Variants in SLFN11 observed in about 807,000 individuals in gnomAD.
SLFN11 encodes schlafen family member 11.
Under a neutral mutation model 53.4 loss-of-function variants are expected in SLFN11, and 43 were observed. That is an observed-to-expected ratio of 0.80 (90% CI 0.63 to 1.04). The LOEUF (loss-of-function observed/expected upper bound fraction) is 1.04, where lower values mean the gene tolerates loss of function less well. Ranked by LOEUF, SLFN11 falls within the 50% of genes least tolerant of loss-of-function variation. SLFN11 has a pLI of 0.00. For synonymous variants in SLFN11, 389 were observed against 394.7 expected (o/e 0.99, Z 0.17); for missense variants, 990 against 1,079.1 (o/e 0.92, Z 1.16).
chr17:35,360,882 A>G (rs994292530), intron 4 of SLFN11, among the ~76,000 whole-genome samples: 5 of 152,114 alleles, frequency 3.3e-5, no homozygotes, highest in African/African-American at 1.2e-4. Flanking sequence ...AAGTGAGAGG[A>G]TCACTTGAGC....
intron 5 of SLFN11, chr17:35,360,007 A>C: frequency 2.4e-6 from 1 of 415,272 alleles, no homozygotes; most frequent in East Asian, 5.1e-5. Flanking sequence ...ACAAGAACAA[A>C]TAGTCTTTAA....
chr17:35,353,123 G>A lies in SLFN11; in HGVS notation c.1939C>T (p.Arg647Ter), dbSNP rs80209975. 90 of 1,613,170 alleles carry A rather than the reference G, an allele frequency of 5.6e-5. No homozygotes were observed. The highest frequency in any genetic ancestry group is 2.5e-4 in the East Asian group (11 of 44,874). Reference protein sequence around the residue: ...RNFISDRNICRAETRKTFLRE... With the variant: ...RNFISDRNIC ...AGGAAAGTTTTCCGGGTCTCTGCTC[G>A]GCAGATATTTCTATCACTGTAAAAA... Residue 647 changes from arginine to a stop codon, truncating the protein, a stop_gained, in exon 7 of 7, where the codon CGA becomes TGA. Coordinates refer to ENST00000685675, the MANE Select transcript of SLFN11 (RefSeq NM_001376007.1). LOFTEE classifies it low-confidence loss of function (END_TRUNC).
chr17:35,362,649 T>C (rs1052961504), intron 4 of SLFN11, 90 bp downstream of exon 4: 1 of 1,028,858 alleles, frequency 9.7e-7, no homozygotes, highest in Non-Finnish European at 1.4e-6. Context: ...ATGTAAGATG[T>C]TCAAAGTCAT....
chr17:35,362,355 G>A (rs902559201), intron 4 of SLFN11, among the ~76,000 whole-genome samples: 19 of 152,036 alleles, frequency 1.2e-4, no homozygotes, highest in Non-Finnish European at 1.8e-4. Flanking sequence ...TTTCTGATAC[G>A]ATTTATTTAG....
At chr17:35,373,154 T>A (rs1245278498) in intron 1 of SLFN11, among the ~76,000 whole-genome samples, 2 of 152,084 alleles carry the variant, frequency 1.3e-5, no homozygotes, top group African/African-American at 4.8e-5. Context: ...CTTCGGTTCC[T>A]GCTCCGCGCC....
intron 1 of SLFN11, among the ~76,000 whole-genome samples, chr17:35,369,474 T>C (rs1597727832): frequency 6.6e-6 from 1 of 152,070 alleles, no homozygotes; most frequent in African/African-American, 2.4e-5. Flanking sequence ...TTCTAAGGTT[T>C]TCTTACTCCA....
At chr17:35,364,060 A>G (rs1166933727) in intron 3 of SLFN11, among the ~76,000 whole-genome samples, 1 of 152,120 alleles carries the variant, frequency 6.6e-6, no homozygotes, top group African/African-American at 2.4e-5. Flanking sequence ...ATCTAAACTA[A>G]TCTGAAGATG....
intron 1 of SLFN11, among the ~76,000 whole-genome samples, chr17:35,372,719 T>C (rs1171454696): frequency 6.6e-6 from 1 of 152,124 alleles, no homozygotes; most frequent in African/African-American, 2.4e-5. Flanking sequence ...AAACATTACA[T>C]GCCTGTCTTA....
intron 5 of SLFN11, among the ~76,000 whole-genome samples, chr17:35,356,657 G>C (rs1166802532): frequency 6.6e-6 from 1 of 151,942 alleles, no homozygotes; most frequent in Non-Finnish European, 1.5e-5. Context: ...ATCTAACACA[G>C]TATTTTATGG....
intron 2 of SLFN11, 101 bp from the exon 3 acceptor site, chr17:35,367,164 T>C (rs1909056971): frequency 6.6e-6 from 1 of 152,126 alleles, no homozygotes; most frequent in Non-Finnish European, 1.5e-5. Context: ...CAAAATTCCA[T>C]TCTGCATTCC....
Position 35,371,375 on chromosome 17 carries a change from T to C in SLFN11, c.-235+2099A>G, listed in dbSNP as rs566399623. On this transcript the variant is annotated intron_variant, in intron 1 of 6. Coordinates refer to ENST00000685675, the MANE Select transcript of SLFN11 (RefSeq NM_001376007.1). The stretch of plus-strand genomic sequence containing the variant: ...CTTCACACTGTGAAACTACTACAAG[T>C]AAACATTGGGTAAGATCTCCAGGAC... Among the ~76,000 whole-genome samples, 13 of 152,066 alleles carry C rather than the reference T, an allele frequency of 8.5e-5. No individual in the cohort carries two copies. In the South Asian group the frequency reaches 2.7e-3, roughly 31 times the overall value.
At position 35,352,166 on chromosome 17, in the gene SLFN11, G is replaced by C. The variant is rs76350620; in HGVS notation, c.*190C>G. ...GCTGGAAGAGTCAGGGGTCAGAATG[G>C]GGGGCAGCCACCGCTGCTGAAAGGG... On this transcript the variant is annotated 3_prime_UTR_variant, in exon 7 of 7. Coordinates refer to ENST00000685675, the MANE Select transcript of SLFN11 (RefSeq NM_001376007.1). 1.9e-5 allele frequency: 12 copies of C among 643,980 alleles called. No homozygotes were observed. Among genetic ancestry groups the C allele is most frequent in the South Asian group, 6.2e-5 (3 of 48,734 alleles). The allele number at this position is 643,980 out of a possible 1,614,324, so 39.9% of individuals were successfully genotyped here. A position where few individuals can be genotyped will look rare whatever the true frequency, so the allele number is the denominator to read the frequency against.
Position 35,363,624 on chromosome 17 carries a change from G to T in SLFN11, c.184C>A (p.Arg62=). The change falls in exon 4 of 7, where the codon CGA becomes AGA. Residue 62 remains arginine (R), a synonymous_variant. Coordinates refer to ENST00000685675, the MANE Select transcript of SLFN11 (RefSeq NM_001376007.1). ...ALLNSGGGVI[R]MAKKVEHPVE... is the part of the protein sequence containing the mutation. ...GGATGCTCAACCTTCTTGGCCATTC[G>T]AATCACTCCTCCTCCTGAGTTTAAT... 6.2e-7 allele frequency: 1 copy of T among 1,613,750 alleles called. No homozygotes were observed. Among genetic ancestry groups the T allele is most frequent in the East Asian group, 2.2e-5 (1 of 44,876 alleles).
intron 3 of SLFN11, among the ~76,000 whole-genome samples, chr17:35,365,458 A>T (rs1325907357): frequency 2.2e-4 from 1 of 4,478 alleles, no homozygotes; most frequent in East Asian, 0.013. Context: ...CTAATTCTTT[A>T]AAAATTTTTT....
At chr17:35,369,343 G>C (rs1395557126) in intron 1 of SLFN11, among the ~76,000 whole-genome samples, 5 of 152,080 alleles carry the variant, frequency 3.3e-5, no homozygotes, top group African/African-American at 1.2e-4. Context: ...GTGAACCCGT[G>C]GTTGTGTTGG....
chr17:35,355,712 GGACCA>G lies in SLFN11; in HGVS notation c.1199-1658_1199-1654del, dbSNP rs538799198. Among the ~76,000 whole-genome samples, 120 of 152,154 alleles carry G rather than the reference GGACCA, an allele frequency of 7.9e-4. 3 individuals carry two copies. The highest frequency in any genetic ancestry group is 2.7e-3 in the African/African-American group (111 of 41,542). On this transcript the variant is annotated intron_variant, in intron 5 of 6. Coordinates refer to ENST00000685675, the MANE Select transcript of SLFN11 (RefSeq NM_001376007.1). ...ATATTCCACATAACAGTAATGATAG[GGACCA>G]GACTAGGTGTTCAATTAATGCCATC...
Position 35,362,936 on chromosome 17 carries a change from C to A in SLFN11, c.872G>T (p.Arg291Leu). 2.5e-6 allele frequency: 4 copies of A among 1,613,542 alleles called. No homozygotes were observed. The highest frequency in any genetic ancestry group is 3.4e-6 in the Non-Finnish European group (4 of 1,179,760). ...AATTTTGAGTGTGAAGGTTATCGGG[C>A]GTTGGGGTTGGCAAAAATGAACACA... ...LPCVHFCQPQ[R>L]PITFTLKIVN... Residue 291 changes from arginine to leucine, a missense_variant, in exon 4 of 7, where the codon CGC (arginine) becomes CTC (leucine). Physicochemically the swap from Arg to Leu is moderately radical, Grantham distance 102. Around this residue, in one of 3 missense-constraint regions of SLFN11, gnomAD observed 521 missense variants for 516.2 expected, o/e 1.01. Transcript: ENST00000685675.
chr17:35,365,945 T>A (rs1377098718), intron 3 of SLFN11, among the ~76,000 whole-genome samples: 1 of 152,136 alleles, frequency 6.6e-6, no homozygotes, highest in Non-Finnish European at 1.5e-5. Context: ...ATTGGAGAAT[T>A]AAGCCTTTAA....
At chr17:35,357,426 G>T (rs1907654237) in intron 5 of SLFN11, among the ~76,000 whole-genome samples, 1 of 151,582 alleles carries the variant, frequency 6.6e-6, no homozygotes. Flanking sequence ...GTTTGCCTAT[G>T]TTTTCTTCTA....
Sources: gnomAD v4.1 joint callset for allele counts (sites outside exome capture counted in the v4.1 genomes callset) on GRCh38, gnomAD v4.1.1 for gene constraint, gnomAD v4.1.1 regional missense constraint, MANE v1.5 for transcripts, NCBI Gene and HGNC (gene_info 2026-07-23, HGNC 2026-07-21) for gene names.